The following SBSN variants were observed in gnomAD, a reference collection of about 807,000 sequenced individuals.
SBSN encodes suprabasin.
Under a neutral mutation model 42.8 loss-of-function variants are expected in SBSN, and 33 were observed. The observed-to-expected ratio is 0.77, with a 90% CI of 0.58 to 1.03. SBSN has a LOEUF of 1.03. Among genes scored for constraint, SBSN ranks in the 50% least tolerant of loss-of-function variants. SBSN has a pLI of 0.00. For missense variants in SBSN, 646 were observed against 757.3 expected (o/e 0.85, Z 1.72); for synonymous variants, 276 against 307.0 (o/e 0.90, Z 1.06).
At position 35,528,024 on chromosome 19, in the gene SBSN, G is replaced by A. The variant is rs150167991; in HGVS notation, c.258C>T (p.Gly86=). 4.2e-5 allele frequency: 68 copies of A among 1,613,688 alleles called. No individual in the cohort carries two copies. In the African/African-American group the frequency reaches 4.8e-4, roughly 11 times the overall value. ...GSHTGKELDK[G]VQGLNHGMDK... ...CCATGCCGTGGTTGAGCCCCTGGACGCCTTTGTCCAACTCCTTGCCGGTGT... is the reference window on the plus strand; with the variant it reads ...CCATGCCGTGGTTGAGCCCCTGGACACCTTTGTCCAACTCCTTGCCGGTGT... Residue 86 remains glycine (G), a synonymous_variant, in exon 1 of 4, where the codon GGC becomes GGT. Coordinates refer to ENST00000452271, the MANE Select transcript of SBSN (RefSeq NM_001166034.2).
chr19:35,523,617 A>G, intron 3 of SBSN, 84 bp from the exon 4 acceptor site: 2 of 1,362,770 alleles, frequency 1.5e-6, no homozygotes, highest in Non-Finnish European at 2.1e-6. Flanking sequence ...CCCTCGGGAG[A>G]AGCACAAGGG....
intron 1 of SBSN, 46 bp downstream of exon 1, chr19:35,526,598 T>TTCCCCCCCC: frequency 3.5e-6 from 1 of 284,150 alleles, no homozygotes; most frequent in Non-Finnish European, 6.3e-6. Context: ...AACCTTTCCC[T>TTCCCCCCCC]CCCCCAACCC....
Position 35,527,858 on chromosome 19 carries a change from C to A in SBSN, c.424G>T (p.Ala142Ser). Residue 142 changes from alanine (A) to serine (S), a missense_variant, in exon 1 of 4, where the codon GCC becomes TCC. By Grantham distance (99) the Ala-to-Ser change is moderately conservative. Coordinates refer to ENST00000452271, the MANE Select transcript of SBSN (RefSeq NM_001166034.2). ...CCTGCCTCACTTCCCGCCTGGTTGGCCCCGTGATGGACCCCATGATGGATC... is the reference window on the plus strand; with the variant it reads ...CCTGCCTCACTTCCCGCCTGGTTGGACCCGTGATGGACCCCATGATGGATC... The part of the protein sequence containing the change: ...KLIHHGVHHG[A>S]NQAGSEAGKF... 1 of 1,614,136 alleles carries A rather than the reference C, an allele frequency of 6.2e-7. No homozygotes were observed. The highest frequency in any genetic ancestry group is 8.5e-7 in the Non-Finnish European group (1 of 1,180,042).
intron 2 of SBSN, 29 bp from the exon 3 acceptor site, chr19:35,524,784 T>C: frequency 6.2e-7 from 1 of 1,613,662 alleles, no homozygotes. Flanking sequence ...AAGGTCAGTC[T>C]CCAGCGTCTG....
At position 35,523,477 on chromosome 19, in the gene SBSN, G is replaced by A. The variant is rs755928763; in HGVS notation, c.*33C>T. On this transcript the variant is annotated 3_prime_UTR_variant, in exon 4 of 4. Coordinates refer to ENST00000452271, the MANE Select transcript of SBSN (RefSeq NM_001166034.2). ...TCATGTCAGCTGATGTGACAACGGCGACATTATTCTCCCAGCAAGGCCGGA... is the reference window on the plus strand; with the variant it reads ...TCATGTCAGCTGATGTGACAACGGCAACATTATTCTCCCAGCAAGGCCGGA... 14 of 1,612,346 alleles carry A rather than the reference G, an allele frequency of 8.7e-6. No individual in the cohort carries two copies. Among genetic ancestry groups the A allele is most frequent in the African/African-American group, 1.3e-5 (1 of 74,822 alleles).
chr19:35,523,778 A>G (rs2071338398), intron 3 of SBSN, among the ~76,000 whole-genome samples: 3 of 152,144 alleles, frequency 2.0e-5, no homozygotes. Flanking sequence ...GCCTGAGAGG[A>G]TGCTCTGCCG....
chr19:35,524,816 C>T (rs367990554), intron 2 of SBSN, 43 bp downstream of exon 2: 1 of 1,613,716 alleles, frequency 6.2e-7, no homozygotes, highest in Non-Finnish European at 8.5e-7. Context: ...TGCTAGGGAA[C>T]TCCCAGGGGC....
Position 35,526,823 on chromosome 19 carries a change from C to T in SBSN, c.1459G>A (p.Ala487Thr), listed in dbSNP as rs1373365641. Residue 487 changes from alanine (A) to threonine (T), a missense_variant, in exon 1 of 4, where the codon GCT becomes ACT. Ala to Thr is a moderately conservative substitution (Grantham distance 58, BLOSUM62 0). Transcript: ENST00000452271. Reference sequence around the variant, plus strand: ...CCAAGTTTCTCTGCTTCCTTCCCAGCCTGGTGGACCCCAGTGTGGAACCCT... The same window carrying T: ...CCAAGTTTCTCTGCTTCCTTCCCAGTCTGGTGGACCCCAGTGTGGAACCCT... Reference protein sequence around the residue: ...VQGFHTGVHQAGKEAEKLGQG... With the variant: ...VQGFHTGVHQTGKEAEKLGQG... The T allele has an allele frequency of 2.5e-6, 4 of 1,613,834 alleles. No homozygotes were observed. The East Asian group carries it at 6.7e-5, about 27-fold the overall frequency.
chr19:35,523,769 C>A (rs2071338235), intron 3 of SBSN, among the ~76,000 whole-genome samples: 1 of 152,186 alleles, frequency 6.6e-6, no homozygotes, highest in Admixed American at 6.5e-5. Flanking sequence ...GTGTGTTTAG[C>A]CTGAGAGGAT....
In SBSN at chr19:35,524,901, G is replaced by A. The variant is rs752828084; in HGVS notation, c.1662C>T (p.Ser554=). 1.2e-6 allele frequency: 2 copies of A among 1,614,050 alleles called. No individual in the cohort carries two copies. The highest frequency in any genetic ancestry group is 1.1e-5 in the South Asian group (1 of 91,078). The change falls in exon 2 of 4, where the codon TCC becomes TCT. Residue 554 remains serine (S), a synonymous_variant. Coordinates refer to ENST00000452271, the MANE Select transcript of SBSN (RefSeq NM_001166034.2). ...LLNGNHQSGS[S]SHQGGATTTP... ...TGGTTGTGGCCCCTCCTTGATGGCT[G>A]GAAGATCCGCTTTGATGGTTGCCCT...
Position 35,527,300 on chromosome 19 carries a change from C to T in SBSN, c.982G>A (p.Glu328Lys), listed in dbSNP as rs538512400. 1.3e-6 allele frequency: 2 copies of T among 1,531,252 alleles called. No individual in the cohort carries two copies. Among genetic ancestry groups the T allele is most frequent in the South Asian group, 2.4e-5 (2 of 83,884 alleles). The allele number at this position is 1,531,252 out of a possible 1,614,324, so 94.9% of individuals were successfully genotyped here. Residue 328 changes from glutamate (E) to lysine (K), a missense_variant, in exon 1 of 4, where the codon GAG (glutamate) becomes AAG (lysine). By Grantham distance (56) the Glu-to-Lys change is moderately conservative. Around this residue, in one of 3 missense-constraint regions of SBSN, gnomAD observed 220 missense variants for 334.5 expected, o/e 0.66. Transcript: ENST00000452271. ...ACCCCCTGGCCAAACCTCCCAGCCT[C>T]ATTTCCGGCCTGCCCCGCAGCATGG... Reference protein sequence around the residue: ...AHHAAGQAGNEAGRFGQGVHH... With the variant: ...AHHAAGQAGNKAGRFGQGVHH...
intron 3 of SBSN, 59 bp from the exon 4 acceptor site, chr19:35,523,592 A>C: frequency 1.3e-6 from 2 of 1,565,218 alleles, no homozygotes; most frequent in East Asian, 2.2e-5. Flanking sequence ...ACGGGACCCG[A>C]GACCTCAGCC....
In SBSN at chr19:35,526,834, C is replaced by T; in HGVS notation, c.1448G>A (p.Gly483Glu). The T allele has an allele frequency of 6.2e-7, 1 of 1,613,726 alleles. No homozygotes were observed. The highest frequency in any genetic ancestry group is 8.5e-7 in the Non-Finnish European group (1 of 1,179,924). Residue 483 changes from glycine to glutamate, a missense_variant, in exon 1 of 4, where the codon GGG becomes GAG. By Grantham distance (98) the Gly-to-Glu change is moderately conservative. This residue lies in a region of SBSN where 236 missense variants were observed against 225.6 expected (regional missense o/e 1.05). Transcript: ENST00000452271. ...TGCTTCCTTCCCAGCCTGGTGGACC[C>T]CAGTGTGGAACCCTTGGACCGCTTT... ...ADKAVQGFHT[G>E]VHQAGKEAEK...
chr19:35,528,207 G>A lies in SBSN; in HGVS notation c.75C>T (p.Ser25=), dbSNP rs202037585. 1.3e-4 allele frequency: 216 copies of A among 1,613,902 alleles called. 1 individual carries two copies. The Middle Eastern group carries it at 0.012, about 92-fold the overall frequency. The change falls in exon 1 of 4, where the codon AGC becomes AGT. Residue 25 remains serine, a synonymous_variant. Transcript: ENST00000452271. The stretch of plus-strand genomic sequence containing the variant: ...CAATGACCTTCTCAATGGGGTCATC[G>A]CTGGCCGCCCATCCAGACAGGGCCC... ...LLGALSGWAA[S]DDPIEKVIEG...
At chr19:35,523,584 G>A (rs1313328201) in intron 3 of SBSN, 51 bp from the exon 4 acceptor site, 10 of 1,591,624 alleles carry the variant, frequency 6.3e-6, no homozygotes, top group South Asian at 2.2e-5. Context: ...CAGTCATGAC[G>A]GGACCCGAGA....
chr19:35,528,099 G>A lies in SBSN; in HGVS notation c.183C>T (p.Ala61=), dbSNP rs780274742. The change falls in exon 1 of 4, where the codon GCC becomes GCT. Residue 61 remains alanine, a synonymous_variant. Transcript: ENST00000452271. ...TGAAAACCTTCTCCACTTCCCTTCC[G>A]GCATGCGTGATTCCACTGTTGATGC... ...LDGINSGITH[A]GREVEKVFNG... 30 of 1,613,728 alleles carry A rather than the reference G, an allele frequency of 1.9e-5. No homozygotes were observed. The highest frequency in any genetic ancestry group is 6.7e-5 in the East Asian group (3 of 44,860).
At position 35,527,035 on chromosome 19, in the gene SBSN, C is replaced by A. The variant is rs2071382502; in HGVS notation, c.1247G>T (p.Gly416Val). ...QGLHHGVSQA[G>V]REAGQFGHDI... ...GTGGCCAAACTGCCCCGCCTCCCTT[C>A]CAGCCTGACTAACGCCATGATGGAG... Residue 416 changes from glycine to valine, a missense_variant, in exon 1 of 4, where the codon GGA becomes GTA. Physicochemically the swap from Gly to Val is moderately radical, Grantham distance 109. This residue lies in a region of SBSN where 236 missense variants were observed against 225.6 expected (regional missense o/e 1.05). Transcript: ENST00000452271. The A allele has an allele frequency of 6.5e-7, 1 of 1,541,040 alleles. No individual in the cohort carries two copies. Among genetic ancestry groups the A allele is most frequent in the African/African-American group, 1.4e-5 (1 of 73,100 alleles).
At chr19:35,526,603 C>A in intron 1 of SBSN, 41 bp downstream of exon 1, 2 of 943,350 alleles carry the variant, frequency 2.1e-6, no homozygotes, top group Non-Finnish European at 3.1e-6. Flanking sequence ...TTCCCTCCCC[C>A]AACCCCCCTG....
Position 35,526,650 on chromosome 19 carries a change from C to T in SBSN, c.1632G>A (p.Leu544=). The T allele has an allele frequency of 6.6e-7, 1 of 1,526,166 alleles. No homozygotes were observed. The highest frequency in any genetic ancestry group is 8.9e-7 in the Non-Finnish European group (1 of 1,124,640). The allele number at this position is 1,526,166 out of a possible 1,614,324, so 94.5% of individuals were successfully genotyped here. ...CCCATCCCTGTTCACCTACATTCAG[C>T]AGCTGGTTGGCCTCCTTGCTGGCTT... ...VNQASKEANQ[L]LNGNHQSGSS... Residue 544 remains leucine, a synonymous_variant, in exon 1 of 4, where the codon CTG becomes CTA. Transcript: ENST00000452271.
Sources: allele counts gnomAD v4.1 joint callset (sites outside exome capture counted in the v4.1 genomes callset), GRCh38; gene constraint gnomAD v4.1.1; regional missense constraint gnomAD v4.1.1; transcripts MANE v1.5; gene names NCBI Gene and HGNC (gene_info 2026-07-23, HGNC 2026-07-21).